CACNA1A: variants seen among roughly 807,000 people sequenced by gnomAD.
The protein encoded by CACNA1A is voltage-dependent P/Q-type calcium channel subunit alpha-1A.
CACNA1A carries 57 observed loss-of-function variants against 262.4 expected under a neutral mutation model. The ratio of observed to expected loss-of-function variants is 0.22; its 90% CI spans 0.18 to 0.27. CACNA1A has a LOEUF of 0.27. Among genes scored for constraint, CACNA1A ranks in the 10% least tolerant of loss-of-function variants. CACNA1A has a pLI of 1.00. For synonymous variants in CACNA1A, 1,431 were observed against 1,419.3 expected (o/e 1.01, Z -0.18); for missense variants, 2,526 against 3,562.8 (o/e 0.71, Z 7.41).
At chr19:13,259,446 A>T in intron 27 of CACNA1A, 118 bp downstream of exon 27, 1 of 856,148 alleles carries the variant, frequency 1.2e-6, no homozygotes, top group Non-Finnish European at 1.7e-6. Context: ...TGTTGGGATT[A>T]CAGGCGTGAG....
At chr19:13,269,508 T>C (rs1332989859) in intron 24 of CACNA1A, among the ~76,000 whole-genome samples, 1 of 152,182 alleles carries the variant, frequency 6.6e-6, no homozygotes, top group Non-Finnish European at 1.5e-5. Context: ...GGCTCCATCT[T>C]TGGCTTCCTG....
intron 3 of CACNA1A, among the ~76,000 whole-genome samples, chr19:13,376,811 TTATGTGTGATATATAA>T (rs2059421219): frequency 6.6e-5 from 5 of 76,088 alleles, no homozygotes; most frequent in Admixed American, 6.2e-4. Flanking sequence ...ATAATATATG[TTATGTGTGATATATAA>T]CACATGTTAT....
intron 1 of CACNA1A, among the ~76,000 whole-genome samples, chr19:13,488,682 G>A (rs182557653): frequency 1.9e-4 from 29 of 152,100 alleles, no homozygotes; most frequent in Admixed American, 1.8e-3. Flanking sequence ...TTACACACGT[G>A]AGCCACCGTG....
intron 3 of CACNA1A, among the ~76,000 whole-genome samples, chr19:13,433,968 G>C (rs1016123760): frequency 6.6e-6 from 1 of 152,168 alleles, no homozygotes; most frequent in African/African-American, 2.4e-5. Context: ...CTGAAGTCAA[G>C]CTTCCTCATT....
At chr19:13,401,424 C>T (rs769873689) in intron 3 of CACNA1A, among the ~76,000 whole-genome samples, 9 of 152,168 alleles carry the variant, frequency 5.9e-5, no homozygotes, top group Non-Finnish European at 4.4e-5. Context: ...GTACTTACGA[C>T]AGTGCCTGAT....
At chr19:13,495,757 C>A (rs1599376858) in intron 1 of CACNA1A, among the ~76,000 whole-genome samples, 1 of 152,170 alleles carries the variant, frequency 6.6e-6, no homozygotes, top group East Asian at 1.9e-4. Flanking sequence ...ATCCACCCAC[C>A]CATTCAACCA....
intron 3 of CACNA1A, among the ~76,000 whole-genome samples, chr19:13,376,882 T>C (rs2059427581): frequency 1.5e-5 from 2 of 137,622 alleles, no homozygotes; most frequent in South Asian, 2.2e-4. Flanking sequence ...ATATAACACA[T>C]GATATATGTT....
At chr19:13,426,718 TCTC>T (rs942007686) in intron 3 of CACNA1A, among the ~76,000 whole-genome samples, 10 of 152,222 alleles carry the variant, frequency 6.6e-5, no homozygotes, top group East Asian at 3.9e-4. Context: ...GTACCATTAT[TCTC>T]CTCATTTGAC....
At position 13,473,252 on chromosome 19, in the gene CACNA1A, CA is replaced by C. The variant is rs749694968; in HGVS notation, c.294-18041del. On this transcript the variant is annotated intron_variant, in intron 1 of 46. Transcript: ENST00000360228. ...ACAGGGTGACAGAGTGAGGCCCTGA[CA>C]AAAAAAAAAAAAAGAGAGAGAGAGA... is the stretch of plus-strand genomic sequence containing the variant. Among the ~76,000 whole-genome samples, 448 of 99,312 alleles carry C rather than the reference CA, an allele frequency of 4.5e-3. 4 individuals carry two copies. Among genetic ancestry groups the C allele is most frequent in the African/African-American group, 7.8e-3 (253 of 32,594 alleles). The allele number at this position is 99,312 out of a possible 152,430, so 65.2% of individuals were successfully genotyped here.
chr19:13,460,837 C>T (rs59349864), intron 1 of CACNA1A, among the ~76,000 whole-genome samples: 52,154 of 151,596 alleles, frequency 0.34, 9,139 homozygotes, highest in Middle Eastern at 0.41. Flanking sequence ...AGGTCACATC[C>T]ATCAACCCCC....
At chr19:13,254,105 C>T (rs2056477596) in intron 29 of CACNA1A, among the ~76,000 whole-genome samples, 1 of 152,126 alleles carries the variant, frequency 6.6e-6, no homozygotes, top group Admixed American at 6.6e-5. Context: ...TCATTCAATC[C>T]TCTCACCTCC....
chr19:13,327,160 C>T (rs947307115), intron 10 of CACNA1A, among the ~76,000 whole-genome samples: 4 of 152,078 alleles, frequency 2.6e-5, no homozygotes, highest in African/African-American at 7.2e-5. Context: ...GGATTACAGG[C>T]GTGAGCCACC....
Position 13,365,298 on chromosome 19 carries a change from T to C in CACNA1A, c.784+19A>G, listed in dbSNP as rs1205568369. The stretch of plus-strand genomic sequence containing the variant: ...TGAAGGAGAAAACTGGAAAGATGCA[T>C]CATGCTCCGTGGACCTACCTGTCCC... On this transcript the variant is annotated intron_variant, in intron 5 of 46. Coordinates refer to ENST00000360228, the MANE Select transcript of CACNA1A (RefSeq NM_001127222.2). The C allele has an allele frequency of 1.2e-6, 2 of 1,601,388 alleles. No individual in the cohort carries two copies. The highest frequency in any genetic ancestry group is 1.7e-6 in the Non-Finnish European group (2 of 1,171,196).
intron 6 of CACNA1A, among the ~76,000 whole-genome samples, chr19:13,351,094 A>G (rs1301580305): frequency 6.6e-6 from 1 of 152,118 alleles, no homozygotes; most frequent in Non-Finnish European, 1.5e-5. Context: ...AATCTTCATC[A>G]TTTGGTTAAA....
rs763941704 is a variant in CACNA1A, at chr19:13,208,937, CCCCGCTCCTGGT to C, written c.6587_6598del (p.Asp2196_Arg2199del). 441 of 1,537,524 alleles carry C rather than the reference CCCCGCTCCTGGT, an allele frequency of 2.9e-4. 4 individuals carry two copies. The East Asian group carries it at 9.1e-3, about 32-fold the overall frequency. ...TCGATGCTTCCGATCCTTGGGCCGG[CCCCGCTCCTGGT>C]CCCGCTCCTTCGACGGCAGGTCCCC... On this transcript the variant is annotated inframe_deletion, in exon 46 of 47. Coordinates refer to ENST00000360228, the MANE Select transcript of CACNA1A (RefSeq NM_001127222.2).
chr19:13,394,292 A>T (rs1024568973), intron 3 of CACNA1A, among the ~76,000 whole-genome samples: 5 of 152,060 alleles, frequency 3.3e-5, no homozygotes, highest in Non-Finnish European at 7.4e-5. Flanking sequence ...CTCAATTCTA[A>T]CTTCTCTGCA....
In CACNA1A at chr19:13,506,242, G is replaced by C. The variant is rs1213404331; in HGVS notation, c.-18C>G. On this transcript the variant is annotated 5_prime_UTR_variant, in exon 1 of 47. Coordinates refer to ENST00000360228, the MANE Select transcript of CACNA1A (RefSeq NM_001127222.2). ...CGGGCCATTCTGCAAAGAGCAAAGG[G>C]CTCCGGGTTACGCTGCGGCGAACGA... 1 of 1,440,080 alleles carries C rather than the reference G, an allele frequency of 6.9e-7. No homozygotes were observed. The highest frequency in any genetic ancestry group is 9.0e-7 in the Non-Finnish European group (1 of 1,108,132). The allele number at this position is 1,440,080 out of a possible 1,614,324, so 89.2% of individuals were successfully genotyped here.
chr19:13,336,093 C>A (rs1247216746), intron 6 of CACNA1A, among the ~76,000 whole-genome samples, 184 bp from the exon 7 acceptor site: 1 of 152,156 alleles, frequency 6.6e-6, no homozygotes, highest in Non-Finnish European at 1.5e-5. Flanking sequence ...AGAAAACATC[C>A]AAAGGGTAAA....
At chr19:13,348,573 C>T (rs1031968798) in intron 6 of CACNA1A, among the ~76,000 whole-genome samples, 1 of 152,180 alleles carries the variant, frequency 6.6e-6, no homozygotes, top group African/African-American at 2.4e-5. Flanking sequence ...CACAGTGGCT[C>T]ACGCCTGTAA....
Sources: gnomAD v4.1 joint callset for allele counts (sites outside exome capture counted in the v4.1 genomes callset) on GRCh38, gnomAD v4.1.1 for gene constraint, MANE v1.5 for transcripts, NCBI Gene and HGNC (gene_info 2026-07-23, HGNC 2026-07-21) for gene names.